The following PARD3B variants were observed in gnomAD, a reference collection of about 807,000 sequenced individuals.
PARD3B encodes par-3 family cell polarity regulator beta.
A neutral mutation model predicts 130.2 loss-of-function variants in PARD3B; 103 were observed. The ratio of observed to expected loss-of-function variants is 0.79; its 90% confidence interval spans 0.67 to 0.93. PARD3B has a LOEUF of 0.93. PARD3B is among the 40% of genes least tolerant of loss of function. The probability of loss-of-function intolerance (pLI) is 0.00; values close to 1 mark genes in which losing one functional copy is unlikely to be tolerated. For missense variants in PARD3B, 1,609 were observed against 1,499.2 expected (o/e 1.07, Z -1.21); for synonymous variants, 583 against 553.2 (o/e 1.05, Z -0.76).
chr2:204,684,497 G>A (rs918736687), intron 1 of PARD3B, among the ~76,000 whole-genome samples: 3 of 152,102 alleles, frequency 2.0e-5, no homozygotes, highest in South Asian at 2.1e-4. Flanking sequence ...TGTTGCTTGC[G>A]GCATGGCCAT....
intron 1 of PARD3B, among the ~76,000 whole-genome samples, chr2:204,650,425 C>G (rs2035437286): frequency 6.6e-6 from 1 of 152,154 alleles, no homozygotes; most frequent in Non-Finnish European, 1.5e-5. Flanking sequence ...ATAAATCATT[C>G]TGCCATAAAG....
At chr2:204,601,536 A>T (rs1193184516) in intron 1 of PARD3B, among the ~76,000 whole-genome samples, 3 of 152,046 alleles carry the variant, frequency 2.0e-5, no homozygotes, top group African/African-American at 4.8e-5. Flanking sequence ...TATGCAAATG[A>T]TATTTTTAAA....
chr2:205,247,024 A>C (rs1476260178), intron 16 of PARD3B, among the ~76,000 whole-genome samples: 1 of 152,190 alleles, frequency 6.6e-6, no homozygotes. Context: ...AGGATAATCT[A>C]TAATATCTTC....
rs2031727160 is a variant in PARD3B at position 205,128,977 on chromosome 2, T to G, written c.1434+3240T>G. On this transcript the variant is annotated intron_variant, in intron 10 of 22. Transcript: ENST00000406610. This position sits in a 1 kb window ranked among gnomAD's most constrained non-coding sequence, Gnocchi z 4.5. Reference sequence around the variant, plus strand: ...CTATCCCAGAATGACATAGGCCAAGTCCACCAGGGAGCATATTAAGTTAAC... The same window carrying G: ...CTATCCCAGAATGACATAGGCCAAGGCCACCAGGGAGCATATTAAGTTAAC... 6.6e-6 allele frequency among the ~76,000 whole-genome samples: 1 copy of G among 152,198 alleles called. No individual in the cohort carries two copies. The highest frequency in any genetic ancestry group is 2.1e-4 in the South Asian group (1 of 4,832).
rs1383867051 is a variant in PARD3B, at chr2:205,591,999, A to G, written c.3261-23457A>G. Reference sequence around the variant, plus strand: ...TAATGGTCACACCTAGACAAAGTGGAAGGATAATCCTACCAGTGATGATGT... The same window carrying G: ...TAATGGTCACACCTAGACAAAGTGGGAGGATAATCCTACCAGTGATGATGT... On this transcript the variant is annotated intron_variant, in intron 22 of 22. Transcript: ENST00000406610. This position sits in a 1 kb window ranked among gnomAD's most constrained non-coding sequence, Gnocchi z 4.2. Among the ~76,000 whole-genome samples the G allele has an allele frequency of 6.6e-6, 1 of 152,194 alleles. No individual in the cohort carries two copies. The highest frequency in any genetic ancestry group is 1.5e-5 in the Non-Finnish European group (1 of 68,030).
intron 18 of PARD3B, among the ~76,000 whole-genome samples, chr2:205,323,277 A>G (rs887937128): frequency 2.6e-5 from 4 of 152,102 alleles, no homozygotes; most frequent in African/African-American, 9.7e-5. Flanking sequence ...AAGAATGTGG[A>G]TATGTCATCA....
In PARD3B at chr2:205,263,769, GAA is replaced by G. The variant is rs1388359031; in HGVS notation, c.2185+17950_2185+17951del. ...CTTCAAAAGATACTCTTGAGAAAAT[GAA>G]AAGACAAGTCACAGACTAAAAATAT... On this transcript the variant is annotated intron_variant, in intron 16 of 22. Transcript: ENST00000406610. This position sits in a 1 kb window ranked among gnomAD's most constrained non-coding sequence, Gnocchi z 4.0. Among the ~76,000 whole-genome samples, 1 of 151,060 alleles carries G rather than the reference GAA, an allele frequency of 6.6e-6. No homozygotes were observed. The highest frequency in any genetic ancestry group is 1.5e-5 in the Non-Finnish European group (1 of 67,594).
chr2:205,208,822 C>T (rs2037464795), intron 15 of PARD3B, among the ~76,000 whole-genome samples: 1 of 144,222 alleles, frequency 6.9e-6, no homozygotes, highest in Non-Finnish European at 1.5e-5. Context: ...TCAATGCCAT[C>T]CCCATCAAGC....
At chr2:204,879,533 A>C (rs533601908) in intron 2 of PARD3B, among the ~76,000 whole-genome samples, 2 of 152,282 alleles carry the variant, frequency 1.3e-5, no homozygotes, top group South Asian at 4.1e-4. Flanking sequence ...GTCAGCTCTA[A>C]GACTGCTTAG....
Position 205,611,823 on chromosome 2 carries a change from A to T in PARD3B, c.3261-3633A>T, listed in dbSNP as rs141828532. Among the ~76,000 whole-genome samples, 275 of 152,350 alleles carry T rather than the reference A, an allele frequency of 1.8e-3. 1 individual carries two copies. The highest frequency in any genetic ancestry group is 6.2e-3 in the African/African-American group (258 of 41,588). ...AAAGTTTTTAAAGAAAAACAGTAAC[A>T]TATACAAACAAAACTCAAGAAGTCA... On this transcript the variant is annotated intron_variant, in intron 22 of 22. Transcript: ENST00000406610.
chr2:205,149,832 T>A (rs1253891451), intron 10 of PARD3B, among the ~76,000 whole-genome samples: 1 of 152,148 alleles, frequency 6.6e-6, no homozygotes, highest in Non-Finnish European at 1.5e-5. Context: ...CAGGTAACAT[T>A]TGGCAATGTC....
At chr2:205,173,386 G>A (rs938825553) in intron 12 of PARD3B, among the ~76,000 whole-genome samples, 4 of 152,068 alleles carry the variant, frequency 2.6e-5, no homozygotes, top group African/African-American at 7.2e-5. Flanking sequence ...CTATTTCCTG[G>A]CTATGTAAGT....
At chr2:204,757,165 A>G (rs1174037270) in intron 2 of PARD3B, among the ~76,000 whole-genome samples, 2 of 152,080 alleles carry the variant, frequency 1.3e-5, no homozygotes, top group Non-Finnish European at 2.9e-5. Flanking sequence ...TCCACCGTTT[A>G]TGGGCACCTG....
chr2:204,740,396 T>G (rs937907928), intron 2 of PARD3B, among the ~76,000 whole-genome samples: 2 of 152,178 alleles, frequency 1.3e-5, no homozygotes, highest in Admixed American at 1.3e-4. Flanking sequence ...GCCATAACTT[T>G]ATTGCTAGCA....
chr2:204,854,713 T>C (rs1024000749), intron 2 of PARD3B, among the ~76,000 whole-genome samples: 6 of 152,114 alleles, frequency 3.9e-5, no homozygotes. Flanking sequence ...CCCATAGTTC[T>C]AGTCAAAAAG....
At chr2:204,636,452 GA>G (rs2034878004) in intron 1 of PARD3B, among the ~76,000 whole-genome samples, 1 of 103,044 alleles carries the variant, frequency 9.7e-6, no homozygotes, top group Non-Finnish European at 2.2e-5. Flanking sequence ...GAGGTCAGGT[GA>G]GTGTGTGTGT....
intron 4 of PARD3B, among the ~76,000 whole-genome samples, chr2:205,054,426 A>AT (rs1559393007): frequency 7.6e-4 from 18 of 23,806 alleles, no homozygotes; most frequent in African/African-American, 2.3e-3. Context: ...ATATATATAT[A>AT]TATATATATA....
chr2:205,028,805 A>G (rs866010004), intron 3 of PARD3B, among the ~76,000 whole-genome samples: 2 of 152,200 alleles, frequency 1.3e-5, no homozygotes, highest in Non-Finnish European at 2.9e-5. Flanking sequence ...GTTAAAACTA[A>G]TAAATTCAGT....
chr2:204,962,702 T>C (rs1015912703), intron 2 of PARD3B, among the ~76,000 whole-genome samples: 1 of 152,172 alleles, frequency 6.6e-6, no homozygotes, highest in Non-Finnish European at 1.5e-5. Flanking sequence ...GTTATCAATG[T>C]TGAAACAAGC....
Sources: gnomAD v4.1 joint callset for allele counts (sites outside exome capture counted in the v4.1 genomes callset) on GRCh38, gnomAD v4.1.1 for gene constraint, Gnocchi (gnomAD v3.1) non-coding constraint, MANE v1.5 for transcripts, NCBI Gene and HGNC (gene_info 2026-07-23, HGNC 2026-07-21) for gene names.